The following CDH13 variants were observed in gnomAD, a reference collection of about 807,000 sequenced individuals.
CDH13 encodes the protein cadherin-13.
A neutral mutation model predicts 63.8 loss-of-function variants in CDH13; 24 were observed. The observed-to-expected ratio is 0.38, with a 90% CI of 0.27 to 0.53. The LOEUF (loss-of-function observed/expected upper bound fraction) is 0.53. Ranked by LOEUF, CDH13 falls within the 20% of genes least tolerant of loss-of-function variation. The pLI is 0.85. For missense variants in CDH13, 1,049 were observed against 903.1 expected (o/e 1.16, Z -2.07); for synonymous variants, 503 against 355.3 (o/e 1.42, Z -4.67).
intron 2 of CDH13, among the ~76,000 whole-genome samples, chr16:82,977,613 C>G (rs920586017): frequency 6.6e-6 from 1 of 152,146 alleles, no homozygotes; most frequent in African/African-American, 2.4e-5. Flanking sequence ...AACTCCCAGA[C>G]CTGCAGAACC....
chr16:83,450,690 G>GAA (rs1243368825), intron 6 of CDH13, among the ~76,000 whole-genome samples: 1 of 152,134 alleles, frequency 6.6e-6, no homozygotes, highest in Admixed American at 6.5e-5. Flanking sequence ...CTAACATAGT[G>GAA]AAACCCTGTC....
intron 2 of CDH13, among the ~76,000 whole-genome samples, chr16:83,019,494 TC>T (rs778315056): frequency 1.3e-5 from 2 of 148,674 alleles, no homozygotes; most frequent in Non-Finnish European, 3.0e-5. Context: ...GTTAACATTT[TC>T]TTTTTTTTTT....
chr16:83,531,883 G>C (rs1228117323), intron 7 of CDH13, among the ~76,000 whole-genome samples: 1 of 152,182 alleles, frequency 6.6e-6, no homozygotes. Context: ...GTGGTAATTT[G>C]TTAGGGCAGT....
At position 83,748,162 on chromosome 16, in the gene CDH13, G is replaced by C; in HGVS notation, c.1593G>C (p.Gly531=). The C allele has an allele frequency of 6.2e-7, 1 of 1,613,882 alleles. No homozygotes were observed. Among genetic ancestry groups the C allele is most frequent in the South Asian group, 1.1e-5 (1 of 91,078 alleles). Residue 531 remains glycine, a synonymous_variant, in exon 11 of 14, where the codon GGG becomes GGC. Transcript: ENST00000567109. ...AGWLNINPIN[G]TVDTTAVLDR... ...GGCTGAATATTAACCCCATCAATGGGACTGTTGACACCACAGCTGTGCTGG... is the reference window on the plus strand; with the variant it reads ...GGCTGAATATTAACCCCATCAATGGCACTGTTGACACCACAGCTGTGCTGG...
chr16:83,763,979 A>G (rs1597196853), intron 11 of CDH13, among the ~76,000 whole-genome samples: 1 of 152,126 alleles, frequency 6.6e-6, no homozygotes. Flanking sequence ...CGAGAGACTT[A>G]CACTCTCTCA....
At chr16:83,741,945 A>G (rs903587256) in intron 10 of CDH13, among the ~76,000 whole-genome samples, 1 of 152,204 alleles carries the variant, frequency 6.6e-6, no homozygotes, top group Non-Finnish European at 1.5e-5. Context: ...GAACAGTTTC[A>G]TCTCCAAGCC....
intron 3 of CDH13, among the ~76,000 whole-genome samples, chr16:83,075,961 C>T (rs963912784): frequency 6.6e-6 from 1 of 152,122 alleles, no homozygotes; most frequent in Non-Finnish European, 1.5e-5. Flanking sequence ...AGCTTCGTGA[C>T]AAAAACCAAA....
At chr16:83,605,741 A>C (rs1489863134) in intron 8 of CDH13, among the ~76,000 whole-genome samples, 3 of 152,248 alleles carry the variant, frequency 2.0e-5, no homozygotes, top group Non-Finnish European at 4.4e-5. Flanking sequence ...TGATGTTTCC[A>C]AAATGTCAGA....
At chr16:83,669,651 C>T (rs966676603) in intron 8 of CDH13, among the ~76,000 whole-genome samples, 5 of 152,198 alleles carry the variant, frequency 3.3e-5, no homozygotes, top group African/African-American at 1.2e-4. Context: ...CCCGCCCTGT[C>T]CCCTGAGAGG....
At chr16:83,234,463 G>A (rs573525204) in intron 5 of CDH13, among the ~76,000 whole-genome samples, 1 of 152,268 alleles carries the variant, frequency 6.6e-6, no homozygotes, top group East Asian at 1.9e-4. Flanking sequence ...TGATAACGCA[G>A]GGTCAGTAGG....
At chr16:83,452,656 A>G (rs1280108765) in intron 6 of CDH13, among the ~76,000 whole-genome samples, 1 of 152,252 alleles carries the variant, frequency 6.6e-6, no homozygotes, top group Admixed American at 6.5e-5. Flanking sequence ...AAAGACAAAC[A>G]TGATATTTAA....
chr16:83,748,414 T>C (rs1197547280), intron 11 of CDH13, among the ~76,000 whole-genome samples, 164 bp downstream of exon 11: 2 of 152,208 alleles, frequency 1.3e-5, no homozygotes, highest in African/African-American at 2.4e-5. Context: ...AGTTCAGTAA[T>C]ATCTCCAAGT....
chr16:83,732,252 G>C (rs960053349), intron 10 of CDH13, among the ~76,000 whole-genome samples: 17 of 152,316 alleles, frequency 1.1e-4, no homozygotes, highest in Non-Finnish European at 1.9e-4. Flanking sequence ...AGAGTAACTG[G>C]AGAAGGCCAC....
intron 1 of CDH13, chr16:82,705,210 C>T: frequency 2.2e-6 from 1 of 455,454 alleles, no homozygotes; most frequent in Non-Finnish European, 4.4e-6. Context: ...GATGAGCTTT[C>T]AGGTATATAG....
intron 6 of CDH13, among the ~76,000 whole-genome samples, chr16:83,402,337 A>AC (rs1201710312): frequency 6.6e-6 from 1 of 152,080 alleles, no homozygotes; most frequent in Non-Finnish European, 1.5e-5. Flanking sequence ...AGATTATAGA[A>AC]CAGGACACAG....
At position 83,314,516 on chromosome 16, in the gene CDH13, A is replaced by ATC. The variant is rs2090065948; in HGVS notation, c.637-30345_637-30344dup. Among the ~76,000 whole-genome samples the ATC allele has an allele frequency of 5.9e-5, 9 of 152,278 alleles. No individual in the cohort carries two copies. In the South Asian group the frequency reaches 1.9e-3, roughly 32 times the overall value. ...TCATTAAATATGATCAATATGCCTC[A>ATC]TCATGGAAAGACTATTCCCTGAGAT... On this transcript the variant is annotated intron_variant, in intron 5 of 13. Transcript: ENST00000567109.
At chr16:83,236,949 A>G (rs1203831479) in intron 5 of CDH13, among the ~76,000 whole-genome samples, 1 of 152,024 alleles carries the variant, frequency 6.6e-6, no homozygotes, top group East Asian at 1.9e-4. Flanking sequence ...TTCATATGTG[A>G]GTTTCACCTC....
At chr16:82,922,749 G>A (rs28457841) in intron 2 of CDH13, among the ~76,000 whole-genome samples, 56,517 of 151,910 alleles carry the variant, frequency 0.37, 11,692 homozygotes, top group Non-Finnish European at 0.47. Context: ...GTCAAATCAT[G>A]TGCCCGAGAG....
chr16:83,309,529 G>A (rs534190396), intron 5 of CDH13, among the ~76,000 whole-genome samples: 23 of 152,246 alleles, frequency 1.5e-4, no homozygotes, highest in East Asian at 3.9e-4. Context: ...GGCGAGTGCC[G>A]CCACGCCCAG....
Sources: allele counts gnomAD v4.1 joint callset (sites outside exome capture counted in the v4.1 genomes callset), GRCh38; gene constraint gnomAD v4.1.1; transcripts MANE v1.5; gene names NCBI Gene and HGNC (gene_info 2026-07-23, HGNC 2026-07-21).